Variants in CCSER1 observed in about 807,000 individuals in gnomAD.
CCSER1 encodes serine-rich coiled-coil domain-containing protein 1.
Under a neutral mutation model 82.0 loss-of-function variants are expected in CCSER1, and 41 were observed. The ratio of observed to expected loss-of-function variants is 0.50; its 90% CI spans 0.39 to 0.65. CCSER1 has a LOEUF of 0.65. Among genes scored for constraint, CCSER1 ranks in the 30% least tolerant of loss-of-function variants. The pLI is 0.00. For synonymous variants in CCSER1, 414 were observed against 383.9 expected (o/e 1.08, Z -0.92); for missense variants, 1,119 against 1,064.2 (o/e 1.05, Z -0.72).
At chr4:90,469,467 T>G (rs1023955996) in intron 5 of CCSER1, among the ~76,000 whole-genome samples, 1 of 151,320 alleles carries the variant, frequency 6.6e-6, no homozygotes, top group African/African-American at 2.4e-5. Context: ...TAATAGATAA[T>G]TGCATCATGT....
chr4:90,245,213 ACAT>A (rs1409214884), intron 1 of CCSER1, among the ~76,000 whole-genome samples: 1 of 152,238 alleles, frequency 6.6e-6, no homozygotes, highest in African/African-American at 2.4e-5. Context: ...GGAATTTTAA[ACAT>A]CATGAAAGGC....
At chr4:90,203,450 A>T (rs959605683) in intron 1 of CCSER1, among the ~76,000 whole-genome samples, 22 of 152,024 alleles carry the variant, frequency 1.4e-4, no homozygotes, top group Non-Finnish European at 2.8e-4. Context: ...TGCAATGTTT[A>T]GTTTTCTGTT....
At chr4:90,144,832 G>T (rs1725501909) in intron 1 of CCSER1, among the ~76,000 whole-genome samples, 1 of 151,922 alleles carries the variant, frequency 6.6e-6, no homozygotes, top group African/African-American at 2.4e-5. Context: ...GAGTTCAAAT[G>T]CCCCATTTAT....
At chr4:90,898,240 G>GA (rs1430650320) in intron 8 of CCSER1, among the ~76,000 whole-genome samples, 1 of 114,820 alleles carries the variant, frequency 8.7e-6, no homozygotes, top group Non-Finnish European at 1.9e-5. Context: ...CTTATAGTTT[G>GA]AGGCCTTACT....
At chr4:90,526,477 G>C (rs1217589156) in intron 5 of CCSER1, among the ~76,000 whole-genome samples, 3 of 151,840 alleles carry the variant, frequency 2.0e-5, no homozygotes, top group Admixed American at 6.6e-5. Context: ...GTATACACGT[G>C]CCATGGTGGT....
At chr4:90,189,326 T>C (rs1443367688) in intron 1 of CCSER1, among the ~76,000 whole-genome samples, 2 of 151,844 alleles carry the variant, frequency 1.3e-5, no homozygotes, top group Non-Finnish European at 2.9e-5. Flanking sequence ...CCTAGAGAGT[T>C]CTAAATATAG....
intron 10 of CCSER1, among the ~76,000 whole-genome samples, chr4:91,559,580 A>G (rs1385759744): frequency 3.3e-5 from 5 of 151,536 alleles, no homozygotes; most frequent in African/African-American, 1.2e-4. Flanking sequence ...ATTCTGGATT[A>G]CTTTATATTT....
intron 4 of CCSER1, among the ~76,000 whole-genome samples, chr4:90,458,312 C>T (rs1419262536): frequency 6.6e-6 from 1 of 152,174 alleles, no homozygotes; most frequent in Non-Finnish European, 1.5e-5. Context: ...CACCACTCCA[C>T]ATGGACCACT....
chr4:90,142,302 G>T (rs1724941209), intron 1 of CCSER1, among the ~76,000 whole-genome samples: 1 of 152,188 alleles, frequency 6.6e-6, no homozygotes, highest in South Asian at 2.1e-4. Flanking sequence ...ACAGGCCTAA[G>T]TCCATGAAAC....
chr4:90,356,208 G>A (rs1744353756), intron 3 of CCSER1, among the ~76,000 whole-genome samples: 1 of 151,730 alleles, frequency 6.6e-6, no homozygotes, highest in Admixed American at 6.6e-5. Flanking sequence ...ACATTGTAAT[G>A]TCTGTGTAGC....
intron 9 of CCSER1, among the ~76,000 whole-genome samples, chr4:90,974,946 A>T (rs1735471062): frequency 6.6e-6 from 1 of 151,394 alleles, no homozygotes; most frequent in Non-Finnish European, 1.5e-5. Flanking sequence ...TAGTAGCCAA[A>T]TGTGGAAATA....
intron 10 of CCSER1, among the ~76,000 whole-genome samples, chr4:91,284,950 G>A (rs748952558): frequency 2.0e-5 from 3 of 151,826 alleles, no homozygotes; most frequent in Non-Finnish European, 4.4e-5. Flanking sequence ...AAAAAAATAT[G>A]TACTTTACTA....
At chr4:91,154,023 ACT>A (rs1195190649) in intron 10 of CCSER1, among the ~76,000 whole-genome samples, 4 of 151,706 alleles carry the variant, frequency 2.6e-5, no homozygotes, top group African/African-American at 9.7e-5. Flanking sequence ...GAGAACCACT[ACT>A]CTCTTCAAAG....
chr4:90,591,084 A>G (rs1377862745), intron 5 of CCSER1, among the ~76,000 whole-genome samples: 1 of 152,042 alleles, frequency 6.6e-6, no homozygotes, highest in Non-Finnish European at 1.5e-5. Context: ...TTCACTCATG[A>G]TTTGGCTCTC....
intron 10 of CCSER1, among the ~76,000 whole-genome samples, chr4:91,229,406 T>C (rs764595240): frequency 6.6e-6 from 1 of 151,850 alleles, no homozygotes; most frequent in African/African-American, 2.4e-5. Flanking sequence ...TCTCCAGTCA[T>C]CTGAGGGATA....
At chr4:90,594,129 T>C (rs1783024224) in intron 5 of CCSER1, among the ~76,000 whole-genome samples, 1 of 151,908 alleles carries the variant, frequency 6.6e-6, no homozygotes, top group Non-Finnish European at 1.5e-5. Context: ...CTAGGATTCT[T>C]TTTTTCCCCA....
chr4:91,225,182 G>A (rs13136357), intron 10 of CCSER1, among the ~76,000 whole-genome samples: 2 of 109,638 alleles, frequency 1.8e-5, no homozygotes, highest in Non-Finnish European at 1.9e-5. Flanking sequence ...GTGTATATAT[G>A]TATATAATTA....
chr4:90,904,654 G>A (rs527400006), intron 8 of CCSER1, among the ~76,000 whole-genome samples: 9 of 152,122 alleles, frequency 5.9e-5, no homozygotes, highest in Admixed American at 2.6e-4. Flanking sequence ...TATGTGTGAC[G>A]GGAGCAATAA....
At chr4:91,490,168 G>A (rs932571784) in intron 10 of CCSER1, among the ~76,000 whole-genome samples, 1 of 152,134 alleles carries the variant, frequency 6.6e-6, no homozygotes, top group African/African-American at 2.4e-5. Context: ...CAGCCACTAT[G>A]GAGAACAGTG....
Sources: allele counts gnomAD v4.1 joint callset (sites outside exome capture counted in the v4.1 genomes callset), GRCh38; gene constraint gnomAD v4.1.1; transcripts MANE v1.5; gene names NCBI Gene and HGNC (gene_info 2026-07-23, HGNC 2026-07-21).